The following NDUFA5 variants were observed in gnomAD, a reference collection of about 807,000 sequenced individuals.
NDUFA5 encodes the protein NADH:ubiquinone oxidoreductase subunit A5, also known as NADH dehydrogenase [ubiquinone] 1 alpha subcomplex subunit 5.
A neutral mutation model predicts 19.8 loss-of-function variants in NDUFA5; 11 were observed. The observed-to-expected ratio is 0.56, with a 90% CI of 0.35 to 0.92. The LOEUF (loss-of-function observed/expected upper bound fraction) is 0.92. Ranked by LOEUF, NDUFA5 falls within the 40% of genes least tolerant of loss-of-function variation. The pLI, the probability that NDUFA5 is intolerant of heterozygous loss-of-function variation, is 0.01. For synonymous variants in NDUFA5, 47 were observed against 46.8 expected, an observed-to-expected ratio of 1.00 and a Z score of -0.01; for missense variants, 109 against 134.2, an observed-to-expected ratio of 0.81 and a Z score of 0.93.
the NDUFA5 span, among the ~76,000 whole-genome samples, chr7:123,588,409 T>A: frequency 6.6e-6 from 1 of 151,562 alleles, no homozygotes; most frequent in Admixed American, 6.6e-5. Context: ...TCTCTTTTTT[T>A]CTTAGTTAGG....
chr7:123,567,126 G>A, the NDUFA5 span: 1 of 152,214 alleles, frequency 6.6e-6, no homozygotes, highest in African/African-American at 2.4e-5. Context: ...GAGAAAATGT[G>A]TAGATTTCTG....
At chr7:123,575,816 C>CCT in the NDUFA5 span, among the ~76,000 whole-genome samples, 1 of 136,814 alleles carries the variant, frequency 7.3e-6, no homozygotes, top group Non-Finnish European at 1.6e-5. Flanking sequence ...ATGAAGTTTT[C>CCT]TTTTTTTTTT....
the NDUFA5 span, among the ~76,000 whole-genome samples, chr7:123,563,455 T>C: frequency 6.6e-6 from 1 of 152,216 alleles, no homozygotes; most frequent in African/African-American, 2.4e-5. Context: ...TTTAAGTTTG[T>C]TGTCTTATAT....
At chr7:123,559,857 CAA>C (rs201033454), upstream of NDUFA5, among the ~76,000 whole-genome samples, 12 of 46,492 alleles carry the variant, frequency 2.6e-4, no homozygotes, top group Non-Finnish European at 3.5e-4. Context: ...TTCCGTCTCA[CAA>C]AAAAAAAAAA....
At chr7:123,574,751 G>A in the NDUFA5 span, among the ~76,000 whole-genome samples, 6 of 151,848 alleles carry the variant, frequency 4.0e-5, no homozygotes, top group African/African-American at 1.5e-4. Context: ...CTTACATCAA[G>A]CAATATTTTT....
Position 123,537,161 on chromosome 7 carries a change from G to A in NDUFA5, c.*4958C>T, listed in dbSNP as rs747280455. ...AGGATTTATTCCACCAAACGACTTC[G>A]TATTTCTCATGAAACATCTACCTTT... is the stretch of plus-strand genomic sequence containing the variant. On this transcript the variant is annotated 3_prime_UTR_variant, in exon 5 of 5. Coordinates refer to ENST00000355749, the MANE Select transcript of NDUFA5 (RefSeq NM_005000.5). 42 of 151,976 alleles carry A rather than the reference G, an allele frequency of 2.8e-4. No homozygotes were observed. The highest frequency in any genetic ancestry group is 7.2e-4 in the Admixed American group (11 of 15,278). The allele number at this position is 151,976 out of a possible 1,614,324, so 9.4% of individuals were successfully genotyped here.
chr7:123,580,065 T>C, the NDUFA5 span, among the ~76,000 whole-genome samples: 1 of 151,918 alleles, frequency 6.6e-6, no homozygotes, highest in African/African-American at 2.4e-5. Flanking sequence ...GGAAAAGAGA[T>C]TGGCGGGATT....
chr7:123,548,995 C>T (rs937362627), intron 3 of NDUFA5, among the ~76,000 whole-genome samples: 1 of 148,648 alleles, frequency 6.7e-6, no homozygotes, highest in East Asian at 2.0e-4. Context: ...TAACTACTTA[C>T]ACAGCATTAC....
At chr7:123,577,036 T>G in the NDUFA5 span, among the ~76,000 whole-genome samples, 1 of 152,170 alleles carries the variant, frequency 6.6e-6, no homozygotes, top group Non-Finnish European at 1.5e-5. Flanking sequence ...TGGAAATTAT[T>G]CTCTTATTGA....
At chr7:123,558,420 C>T (rs1798638395), upstream of NDUFA5, among the ~76,000 whole-genome samples, 1 of 152,216 alleles carries the variant, frequency 6.6e-6, no homozygotes, top group South Asian at 2.1e-4. Flanking sequence ...ACACTGACCA[C>T]TCACTATGTG....
upstream of NDUFA5, among the ~76,000 whole-genome samples, chr7:123,562,119 C>T (rs1379011621): frequency 2.0e-5 from 3 of 152,112 alleles, no homozygotes; most frequent in African/African-American, 7.2e-5. Flanking sequence ...ATGTTAATCT[C>T]TTTGTACATC....
chr7:123,564,543 T>C, the NDUFA5 span, among the ~76,000 whole-genome samples: 3 of 152,024 alleles, frequency 2.0e-5, no homozygotes, highest in African/African-American at 7.2e-5. Context: ...TATACACATA[T>C]GAAATAGCCA....
At chr7:123,573,245 T>TC in the NDUFA5 span, among the ~76,000 whole-genome samples, 8 of 150,346 alleles carry the variant, frequency 5.3e-5, no homozygotes, top group East Asian at 2.0e-4. Flanking sequence ...TCACCAAGCT[T>TC]CCCCCCCGCC....
the NDUFA5 span, among the ~76,000 whole-genome samples, chr7:123,577,095 C>CTAAAAGATT: frequency 6.6e-6 from 1 of 151,882 alleles, no homozygotes; most frequent in Non-Finnish European, 1.5e-5. Flanking sequence ...TTTACATAAC[C>CTAAAAGATT]ACCTCCTACT....
At chr7:123,588,878 CA>C in the NDUFA5 span, among the ~76,000 whole-genome samples, 2 of 151,610 alleles carry the variant, frequency 1.3e-5, no homozygotes, top group East Asian at 3.9e-4. Flanking sequence ...TTAATTTTCC[CA>C]TTTTTTTTCT....
the NDUFA5 span, among the ~76,000 whole-genome samples, chr7:123,582,778 A>G: frequency 2.6e-5 from 4 of 151,876 alleles, no homozygotes; most frequent in Non-Finnish European, 5.9e-5. Context: ...CATCCCCTCC[A>G]CTGACTGAGA....
intron 2 of NDUFA5, among the ~76,000 whole-genome samples, chr7:123,554,448 C>A (rs1037547132): frequency 1.3e-5 from 2 of 151,962 alleles, no homozygotes; most frequent in Non-Finnish European, 2.9e-5. Context: ...TAATAGTCAA[C>A]CTCAGTCAGA....
the NDUFA5 span, among the ~76,000 whole-genome samples, chr7:123,585,454 G>T: frequency 6.6e-6 from 1 of 151,590 alleles, no homozygotes; most frequent in African/African-American, 2.4e-5. Context: ...AGCACCCTTT[G>T]ACCTGGATTT....
chr7:123,594,551 T>C, the NDUFA5 span, among the ~76,000 whole-genome samples: 87 of 152,132 alleles, frequency 5.7e-4, no homozygotes, highest in Non-Finnish European at 8.7e-4. Context: ...CAGCTGCAAG[T>C]CTGTTGGAGT....
Sources: allele counts gnomAD v4.1 joint callset (sites outside exome capture counted in the v4.1 genomes callset), GRCh38; gene constraint gnomAD v4.1.1; transcripts MANE v1.5; gene names NCBI Gene and HGNC (gene_info 2026-07-23, HGNC 2026-07-21).